The following FAF1 variants were observed in gnomAD, a reference collection of about 807,000 sequenced individuals.
FAF1 encodes the protein FAS-associated factor 1.
FAF1 carries 25 observed loss-of-function variants against 92.5 expected under a neutral mutation model. That is an observed-to-expected ratio of 0.27 (90% CI 0.20 to 0.38). The LOEUF (loss-of-function observed/expected upper bound fraction) is 0.38. Ranked by LOEUF, FAF1 falls within the 10% of genes least tolerant of loss-of-function variation. The probability of loss-of-function intolerance (pLI) is 1.00; values close to 1 mark genes in which losing one functional copy is unlikely to be tolerated. For synonymous variants in FAF1, 234 were observed against 273.2 expected (o/e 0.86, Z 1.42); for missense variants, 636 against 793.3 (o/e 0.80, Z 2.38).
chr1:50,729,034 C>CTATCTATCTATATATA (rs774816134), intron 6 of FAF1, among the ~76,000 whole-genome samples: 2 of 88,122 alleles, frequency 2.3e-5, no homozygotes, highest in African/African-American at 9.8e-5. Flanking sequence ...ATCTATCTAT[C>CTATCTATCTATATATA]TATATATATA....
intron 12 of FAF1, among the ~76,000 whole-genome samples, chr1:50,580,227 T>C (rs192889736): frequency 3.3e-4 from 50 of 152,090 alleles, no homozygotes; most frequent in Middle Eastern, 3.4e-3. Flanking sequence ...TTGAATAAAT[T>C]TTTAATTTAT....
chr1:50,786,770 TG>T (rs1209931211), intron 4 of FAF1, among the ~76,000 whole-genome samples: 3 of 151,614 alleles, frequency 2.0e-5, no homozygotes, highest in Non-Finnish European at 4.4e-5. Context: ...ACTAGGAGAG[TG>T]GTGATAGATG....
chr1:50,717,789 G>A (rs971422824), intron 6 of FAF1, among the ~76,000 whole-genome samples: 4 of 152,074 alleles, frequency 2.6e-5, no homozygotes, highest in African/African-American at 7.2e-5. Flanking sequence ...ATGACTTGAG[G>A]CCAGGAGTTC....
intron 15 of FAF1, among the ~76,000 whole-genome samples, chr1:50,515,859 T>G (rs961851401): frequency 2.6e-5 from 4 of 152,126 alleles, no homozygotes; most frequent in African/African-American, 9.7e-5. Flanking sequence ...CCCAAGCCAT[T>G]TGACACTTCC....
At position 50,809,523 on chromosome 1, in the gene FAF1, G is replaced by A. The variant is rs1291227546; in HGVS notation, c.115-7846C>T. Among the ~76,000 whole-genome samples the A allele has an allele frequency of 2.6e-5, 4 of 151,972 alleles. No individual in the cohort carries two copies. The East Asian group carries it at 7.7e-4, about 29-fold the overall frequency. On this transcript the variant is annotated intron_variant, in intron 2 of 18. Coordinates refer to ENST00000396153, the MANE Select transcript of FAF1 (RefSeq NM_007051.3). Reference sequence around the variant, plus strand: ...AAAGGCTAGAAAACGTAGAAAAAATGAATAAATCTCTGGAAACATACAACC... The same window carrying A: ...AAAGGCTAGAAAACGTAGAAAAAATAAATAAATCTCTGGAAACATACAACC...
At chr1:50,529,211 T>C (rs537785521) in intron 15 of FAF1, among the ~76,000 whole-genome samples, 4 of 152,330 alleles carry the variant, frequency 2.6e-5, no homozygotes, top group South Asian at 4.1e-4. Context: ...ATTACTTTTA[T>C]GTTTCAATGA....
At chr1:50,469,280 C>T (rs1184951146) in intron 18 of FAF1, among the ~76,000 whole-genome samples, 3 of 152,164 alleles carry the variant, frequency 2.0e-5, no homozygotes, top group Non-Finnish European at 4.4e-5. Context: ...AATGTACACT[C>T]TCAAGCAAGT....
intron 5 of FAF1, among the ~76,000 whole-genome samples, chr1:50,740,493 C>T (rs963832381): frequency 6.6e-6 from 1 of 152,128 alleles, no homozygotes; most frequent in African/African-American, 2.4e-5. Flanking sequence ...TTACTCTTGA[C>T]TCATATTAGT....
chr1:50,448,180 T>G (rs1430295379), intron 18 of FAF1, among the ~76,000 whole-genome samples: 1 of 152,168 alleles, frequency 6.6e-6, no homozygotes, highest in African/African-American at 2.4e-5. Context: ...GCCTGACACA[T>G]GGAAGCTATT....
intron 6 of FAF1, among the ~76,000 whole-genome samples, chr1:50,724,308 C>CACACACACAT (rs1553132443): frequency 1.6e-4 from 22 of 140,168 alleles, no homozygotes; most frequent in African/African-American, 5.6e-4. Flanking sequence ...CACACACACA[C>CACACACACAT]ACACACACAC....
intron 6 of FAF1, among the ~76,000 whole-genome samples, chr1:50,708,880 C>A (rs1657801199): frequency 6.6e-6 from 1 of 152,120 alleles, no homozygotes; most frequent in African/African-American, 2.4e-5. Context: ...GTGGGAAGGG[C>A]AGAAAAATGA....
chr1:50,731,172 C>A (rs891320252), intron 6 of FAF1, among the ~76,000 whole-genome samples: 1 of 152,082 alleles, frequency 6.6e-6, no homozygotes, highest in Non-Finnish European at 1.5e-5. Flanking sequence ...GTGTGAGGGA[C>A]CCTCTGGTCA....
At chr1:50,631,756 G>T (rs1653800769) in intron 8 of FAF1, among the ~76,000 whole-genome samples, 1 of 152,178 alleles carries the variant, frequency 6.6e-6, no homozygotes, top group African/African-American at 2.4e-5. Context: ...TGTGGTAAGT[G>T]CTTAGTTAAG....
intron 15 of FAF1, among the ~76,000 whole-genome samples, chr1:50,511,674 T>C (rs999156735): frequency 6.6e-6 from 1 of 152,210 alleles, no homozygotes; most frequent in Non-Finnish European, 1.5e-5. Flanking sequence ...TGGTTCCAAG[T>C]CTTGGCTACT....
chr1:50,485,974 C>T (rs1057207930), intron 17 of FAF1, among the ~76,000 whole-genome samples: 1 of 152,046 alleles, frequency 6.6e-6, no homozygotes, highest in African/African-American at 2.4e-5. Context: ...CAATCACTTT[C>T]CAGCAGGCCC....
intron 8 of FAF1, among the ~76,000 whole-genome samples, chr1:50,641,791 CTTTGGCTTTGCGTA>C (rs1452531888): frequency 6.6e-6 from 1 of 152,158 alleles, no homozygotes; most frequent in Non-Finnish European, 1.5e-5. Flanking sequence ...TGTGTGTCAG[CTTTGGCTTTGCGTA>C]TTTTGAAACT....
At chr1:50,737,436 A>C (rs1366285981) in intron 6 of FAF1, among the ~76,000 whole-genome samples, 1 of 152,224 alleles carries the variant, frequency 6.6e-6, no homozygotes, top group Non-Finnish European at 1.5e-5. Context: ...CAGTGATTAC[A>C]CTTTGTTAAC....
intron 2 of FAF1, among the ~76,000 whole-genome samples, chr1:50,831,846 C>T (rs1644156336): frequency 2.0e-5 from 3 of 151,398 alleles, no homozygotes; most frequent in Admixed American, 2.0e-4. Flanking sequence ...CAGAGAAGGC[C>T]CTGTGAAGGG....
chr1:50,682,737 G>A (rs559754948), intron 7 of FAF1, among the ~76,000 whole-genome samples: 2 of 152,182 alleles, frequency 1.3e-5, no homozygotes, highest in South Asian at 2.1e-4. Flanking sequence ...ATGGTATACC[G>A]AACATAAAAC....
Sources: gnomAD v4.1 joint callset for allele counts (sites outside exome capture counted in the v4.1 genomes callset) on GRCh38, gnomAD v4.1.1 for gene constraint, MANE v1.5 for transcripts, NCBI Gene and HGNC (gene_info 2026-07-23, HGNC 2026-07-21) for gene names.